Variants in KCNK1 observed in about 807,000 individuals in gnomAD.
KCNK1 encodes potassium two pore domain channel subfamily K member 1.
In KCNK1, 10 loss-of-function variants were observed where a neutral mutation model predicts 22.2. The ratio of observed to expected loss-of-function variants is 0.45; its 90% CI spans 0.28 to 0.76. KCNK1 has a LOEUF of 0.76. Among genes scored for constraint, KCNK1 ranks in the 30% least tolerant of loss-of-function variants. The pLI, the probability that KCNK1 is intolerant of heterozygous loss-of-function variation, is 0.14. For synonymous variants in KCNK1, 200 were observed against 186.4 expected, an observed-to-expected ratio of 1.07 and a Z score of -0.60; for missense variants, 378 against 421.0, an observed-to-expected ratio of 0.90 and a Z score of 0.89.
Position 233,666,653 on chromosome 1 carries a change from C to A in KCNK1, c.414C>A (p.Ser138=). The change falls in exon 2 of 3, where the codon TCC becomes TCA. Residue 138 remains serine, a synonymous_variant. Coordinates refer to ENST00000366621, the MANE Select transcript of KCNK1 (RefSeq NM_002245.4). ...DGGKAFCIIY[S]VIGIPFTLLF... ...GTAAGGCCTTCTGCATCATCTACTCCGTCATTGGCATTCCCTTCACCCTCC... is the reference window on the plus strand; with the variant it reads ...GTAAGGCCTTCTGCATCATCTACTCAGTCATTGGCATTCCCTTCACCCTCC... 6.2e-7 allele frequency: 1 copy of A among 1,614,028 alleles called. No individual in the cohort carries two copies. Among genetic ancestry groups the A allele is most frequent in the African/African-American group, 1.3e-5 (1 of 75,044 alleles).
At chr1:233,615,933 T>C (rs1280137728) in intron 1 of KCNK1, among the ~76,000 whole-genome samples, 1 of 152,232 alleles carries the variant, frequency 6.6e-6, no homozygotes. Flanking sequence ...CTAGCTTGTA[T>C]TGTGAGATCT....
chr1:233,615,854 T>C (rs558636173), intron 1 of KCNK1, among the ~76,000 whole-genome samples: 23 of 151,932 alleles, frequency 1.5e-4, no homozygotes, highest in Non-Finnish European at 2.8e-4. Flanking sequence ...CATGAAACAA[T>C]TATTCAGAGG....
At chr1:233,622,829 G>A (rs186005920) in intron 1 of KCNK1, among the ~76,000 whole-genome samples, 178 of 152,288 alleles carry the variant, frequency 1.2e-3, no homozygotes, top group Non-Finnish European at 1.8e-3. Flanking sequence ...ATTTGCTTAG[G>A]TTAGACATGG....
At chr1:233,640,045 G>T (rs772821602) in intron 1 of KCNK1, among the ~76,000 whole-genome samples, 1 of 152,228 alleles carries the variant, frequency 6.6e-6, no homozygotes, top group Non-Finnish European at 1.5e-5. Flanking sequence ...CTTTCCATCC[G>T]AAGAGAGGTC....
chr1:233,629,047 A>T (rs1330904934), intron 1 of KCNK1, among the ~76,000 whole-genome samples: 1 of 152,184 alleles, frequency 6.6e-6, no homozygotes, highest in Non-Finnish European at 1.5e-5. Context: ...ACATTTTATA[A>T]TCCTAGGTCT....
intron 1 of KCNK1, among the ~76,000 whole-genome samples, chr1:233,620,256 A>G (rs1017897815): frequency 1.3e-5 from 2 of 152,146 alleles, no homozygotes; most frequent in African/African-American, 4.8e-5. Flanking sequence ...AACCTAAAAT[A>G]TTTACTGTCT....
chr1:233,647,091 G>A (rs1320246644), intron 1 of KCNK1, among the ~76,000 whole-genome samples: 1 of 152,188 alleles, frequency 6.6e-6, no homozygotes, highest in East Asian at 1.9e-4. Context: ...TGAAGCAGAT[G>A]TTTAATCTTC....
At chr1:233,646,056 G>T (rs1331070689) in intron 1 of KCNK1, among the ~76,000 whole-genome samples, 5 of 152,170 alleles carry the variant, frequency 3.3e-5, no homozygotes, top group Non-Finnish European at 5.9e-5. Context: ...TGGTGGGGAT[G>T]GAGGTTGCCT....
At chr1:233,625,738 C>T (rs578036387) in intron 1 of KCNK1, among the ~76,000 whole-genome samples, 36 of 151,982 alleles carry the variant, frequency 2.4e-4, no homozygotes, top group East Asian at 5.8e-4. Flanking sequence ...TAAAGTTGCC[C>T]GTGAAAGCCT....
At chr1:233,632,044 G>A (rs140084590) in intron 1 of KCNK1, among the ~76,000 whole-genome samples, 1 of 152,134 alleles carries the variant, frequency 6.6e-6, no homozygotes, top group Non-Finnish European at 1.5e-5. Context: ...TACCCATCCT[G>A]TTCCCTCTTC....
chr1:233,631,188 G>A (rs1286184159), intron 1 of KCNK1: 10 of 483,330 alleles, frequency 2.1e-5, no homozygotes, highest in East Asian at 1.8e-4. Flanking sequence ...TTATACCTAC[G>A]TGGTAACTGC....
At chr1:233,614,560 G>A (rs2102877809) in intron 1 of KCNK1, 34 bp downstream of exon 1, 3 of 1,493,942 alleles carry the variant, frequency 2.0e-6, no homozygotes, top group Non-Finnish European at 2.7e-6. Flanking sequence ...GGCCGCCCCG[G>A]CCACCTCGCC....
At position 233,635,094 on chromosome 1, in the gene KCNK1, C is replaced by T. The variant is rs112189781; in HGVS notation, c.355+20568C>T. ...AACAGAATTCTCCTAATAGCCAAAACAGGTAAATATCCAAGTGTTTTTTTT... is the reference window on the plus strand; with the variant it reads ...AACAGAATTCTCCTAATAGCCAAAATAGGTAAATATCCAAGTGTTTTTTTT... On this transcript the variant is annotated intron_variant, in intron 1 of 2. Transcript: ENST00000366621. 4.2e-3 allele frequency among the ~76,000 whole-genome samples: 639 copies of T among 152,198 alleles called. 2 individuals carry two copies. Among genetic ancestry groups the T allele is most frequent in the Non-Finnish European group, 6.5e-3 (445 of 68,016 alleles).
chr1:233,638,625 C>G (rs61824277), intron 1 of KCNK1, among the ~76,000 whole-genome samples: 44,423 of 152,066 alleles, frequency 0.29, 8,010 homozygotes, highest in East Asian at 0.41. Context: ...AGGGCCTCCC[C>G]TTGAGGAGGC....
At position 233,615,965 on chromosome 1, in the gene KCNK1, C is replaced by T. The variant is rs967582954; in HGVS notation, c.355+1439C>T. Among the ~76,000 whole-genome samples, 8 of 152,170 alleles carry T rather than the reference C, an allele frequency of 5.3e-5. No individual in the cohort carries two copies. The East Asian group carries it at 1.3e-3, about 26-fold the overall frequency. ...ATCTAAAAAACTGTTAAATGTAGCG[C>T]TAGACAAGACAGACCTGTTATCTCA... is the stretch of plus-strand genomic sequence containing the variant. On this transcript the variant is annotated intron_variant, in intron 1 of 2. Coordinates refer to ENST00000366621, the MANE Select transcript of KCNK1 (RefSeq NM_002245.4).
At chr1:233,630,103 T>C (rs701221) in intron 1 of KCNK1, among the ~76,000 whole-genome samples, 67,866 of 151,954 alleles carry the variant, frequency 0.45, 17,339 homozygotes, top group African/African-American at 0.72. Flanking sequence ...TTCCACCATC[T>C]GAATTCTCAT....
Position 233,671,723 on chromosome 1 carries a change from GTC to G in KCNK1, c.*195_*196del. 1.6e-6 allele frequency: 1 copy of G among 630,192 alleles called. No homozygotes were observed. Among genetic ancestry groups the G allele is most frequent in the East Asian group, 2.8e-5 (1 of 35,544 alleles). The allele number at this position is 630,192 out of a possible 1,614,324, so 39.0% of individuals were successfully genotyped here. ...AAAGAAGCTGTGACCCCAGCAGGAT[GTC>G]TAATATGTGAGGAAATGAGATGTCC... On this transcript the variant is annotated 3_prime_UTR_variant, in exon 3 of 3. Coordinates refer to ENST00000366621, the MANE Select transcript of KCNK1 (RefSeq NM_002245.4).
At chr1:233,622,990 C>G (rs545270036) in intron 1 of KCNK1, among the ~76,000 whole-genome samples, 1 of 152,108 alleles carries the variant, frequency 6.6e-6, no homozygotes, top group Non-Finnish European at 1.5e-5. Flanking sequence ...CATGGAAGGG[C>G]TTTAGGCAGA....
chr1:233,665,533 C>T (rs1658472930), intron 1 of KCNK1, among the ~76,000 whole-genome samples: 1 of 144,662 alleles, frequency 6.9e-6, no homozygotes, highest in Non-Finnish European at 1.5e-5. Flanking sequence ...TCACAACAAA[C>T]AAAGTAACAT....
Sources: gnomAD v4.1 joint callset for allele counts (sites outside exome capture counted in the v4.1 genomes callset) on GRCh38, gnomAD v4.1.1 for gene constraint, MANE v1.5 for transcripts, NCBI Gene and HGNC (gene_info 2026-07-23, HGNC 2026-07-21) for gene names.